The following TREH variants were observed in gnomAD, a reference collection of about 807,000 sequenced individuals.
The protein encoded by TREH is alpha,alpha-trehalose glucohydrolase.
In TREH, 69 loss-of-function variants were observed where a neutral mutation model predicts 80.5. That is an observed-to-expected ratio of 0.86 (90% CI 0.71 to 1.05). The LOEUF (loss-of-function observed/expected upper bound fraction) is 1.05. Among genes scored for constraint, TREH ranks in the 50% least tolerant of loss-of-function variants. The pLI is 0.00. For missense variants in TREH, 716 were observed against 718.8 expected, an observed-to-expected ratio of 1.00 and a Z score of 0.04; for synonymous variants, 309 against 293.5, an observed-to-expected ratio of 1.05 and a Z score of -0.54.
chr11:118,658,301 G>T lies in TREH; in HGVS notation c.1740C>A (p.Leu580=). 6.3e-7 allele frequency: 1 copy of T among 1,587,280 alleles called. No homozygotes were observed. Residue 580 remains leucine, a synonymous_variant, in exon 15 of 15, where the codon CTC becomes CTA. Coordinates refer to ENST00000264029, the MANE Select transcript of TREH (RefSeq NM_007180.3). ...GAGAGGAGGGCTGTCACCATGGCAG[G>T]AGGCTGAGCAGGAGGCTGGGCAGAA... ...ATLLPSLLLS[L]LPW is the part of the protein sequence containing the mutation.
chr11:118,666,375 T>C (rs1949378057), intron 1 of TREH, among the ~76,000 whole-genome samples: 1 of 152,170 alleles, frequency 6.6e-6, no homozygotes, highest in South Asian at 2.1e-4. Context: ...AGAATAAGAT[T>C]GTCTCTTAGC....
intron 1 of TREH, among the ~76,000 whole-genome samples, chr11:118,673,524 T>C (rs1949448931): frequency 6.6e-6 from 1 of 152,248 alleles, no homozygotes; most frequent in Admixed American, 6.5e-5. Context: ...TCAGCTCTTC[T>C]CTGCATGGCT....
chr11:118,658,534 C>T, intron 14 of TREH, 93 bp from the exon 15 acceptor site: 1 of 1,528,274 alleles, frequency 6.5e-7, no homozygotes, highest in Non-Finnish European at 8.8e-7. Flanking sequence ...ACTGGCCCTG[C>T]CTAACCCCAG....
chr11:118,665,865 A>T (rs1949372591), intron 1 of TREH, among the ~76,000 whole-genome samples: 1 of 152,216 alleles, frequency 6.6e-6, no homozygotes, highest in Non-Finnish European at 1.5e-5. Context: ...CACCTGCAAC[A>T]CTACTATTAC....
In TREH at chr11:118,674,418, T is replaced by C. The variant is rs1949457882; in HGVS notation, c.89+5121A>G. 6.6e-6 allele frequency among the ~76,000 whole-genome samples: 1 copy of C among 152,228 alleles called. No homozygotes were observed. Among genetic ancestry groups the C allele is most frequent in the African/African-American group, 2.4e-5 (1 of 41,456 alleles). ...GAGTGGATTTCCATACCTTCTGTTT[T>C]ACAATACTAGGTAGTGGAAATATTT... On this transcript the variant is annotated intron_variant, in intron 1 of 14. Coordinates refer to ENST00000264029, the MANE Select transcript of TREH (RefSeq NM_007180.3). The surrounding 1 kb of genome is among the most constrained non-coding windows in gnomAD (Gnocchi z 4.4).
intron 1 of TREH, among the ~76,000 whole-genome samples, chr11:118,677,329 A>G (rs1395707736): frequency 1.3e-5 from 2 of 152,200 alleles, no homozygotes; most frequent in African/African-American, 4.8e-5. Context: ...ATATAAATCC[A>G]CTGGGAGAGG....
At chr11:118,662,368 C>T (rs1181501592) in intron 4 of TREH, among the ~76,000 whole-genome samples, 16 of 152,246 alleles carry the variant, frequency 1.1e-4, no homozygotes, top group Admixed American at 5.9e-4. Flanking sequence ...ACCACCCAGC[C>T]GGGCCCAGAG....
intron 10 of TREH, among the ~76,000 whole-genome samples, chr11:118,660,242 G>A (rs183789771): frequency 6.6e-6 from 1 of 152,316 alleles, no homozygotes; most frequent in Admixed American, 6.5e-5. Flanking sequence ...CTCTTAGGGG[G>A]TCAAGGGCAG....
At chr11:118,678,253 G>A (rs1449803152) in intron 1 of TREH, among the ~76,000 whole-genome samples, 3 of 152,058 alleles carry the variant, frequency 2.0e-5, no homozygotes, top group Admixed American at 1.3e-4. Context: ...CCTCCTCAGA[G>A]ACACCGTCCC....
Position 118,670,059 on chromosome 11 carries a change from A to C in TREH, c.90-6620T>G, listed in dbSNP as rs1555146074. 4.6e-5 allele frequency among the ~76,000 whole-genome samples: 7 copies of C among 152,362 alleles called. No individual in the cohort carries two copies. In the South Asian group the frequency reaches 1.4e-3, roughly 32 times the overall value. ...TTAAGTGAGGGGCTTCAAATGTCTT[A>C]AATATTAAATAAATGTAAGGTATTA... is the stretch of plus-strand genomic sequence containing the variant. On this transcript the variant is annotated intron_variant, in intron 1 of 14. Transcript: ENST00000264029.
chr11:118,664,336 A>G lies in TREH; in HGVS notation c.90-897T>C, dbSNP rs142992172. ...AAATCACCTCAGTGGACTGAATTGC[A>G]TGCTGTTTTCCTTGCAGTGATAGAA... is the stretch of plus-strand genomic sequence containing the variant. On this transcript the variant is annotated intron_variant, in intron 1 of 14. Coordinates refer to ENST00000264029, the MANE Select transcript of TREH (RefSeq NM_007180.3). Among the ~76,000 whole-genome samples, 408 of 152,348 alleles carry G rather than the reference A, an allele frequency of 2.7e-3. 3 individuals are homozygous for G. Among genetic ancestry groups the G allele is most frequent in the African/African-American group, 8.0e-3 (334 of 41,568 alleles).
chr11:118,663,030 T>C (rs1555145279), intron 3 of TREH, 22 bp downstream of exon 3: 12 of 1,612,152 alleles, frequency 7.4e-6, no homozygotes, highest in Non-Finnish European at 9.3e-6. Context: ...AACCCTCTCT[T>C]GTTCCCCTTC....
intron 14 of TREH, 50 bp downstream of exon 14, chr11:118,658,630 A>G: frequency 3.9e-6 from 6 of 1,554,164 alleles, no homozygotes; most frequent in Non-Finnish European, 5.2e-6. Context: ...CATGAGCAGC[A>G]GAGTTCAGGA....
chr11:118,658,190 G>GACCACGCCATTCGTCCAGC lies in TREH; in HGVS notation c.*98_*99insGCTGGACGAATGGCGTGGT. The GACCACGCCATTCGTCCAGC allele has an allele frequency of 1.4e-6, 2 of 1,467,540 alleles. No individual in the cohort carries two copies. Among genetic ancestry groups the GACCACGCCATTCGTCCAGC allele is most frequent in the Non-Finnish European group, 1.8e-6 (2 of 1,091,040 alleles). The allele number at this position is 1,467,540 out of a possible 1,614,324, so 90.9% of individuals were successfully genotyped here. On this transcript the variant is annotated 3_prime_UTR_variant, in exon 15 of 15. Coordinates refer to ENST00000264029, the MANE Select transcript of TREH (RefSeq NM_007180.3). ...GCCCTCCACTTCGCTCTGAGGACAG[G>GACCACGCCATTCGTCCAGC]CTGGGAGGTAGGAGGGCATGAAGAG... is the stretch of plus-strand genomic sequence containing the variant.
rs1555145080 is a variant in TREH at position 118,661,891 on chromosome 11, AG to A, written c.522del (p.Trp175GlyfsTer19). 1 of 1,558,514 alleles carries A rather than the reference AG, an allele frequency of 6.4e-7. No individual in the cohort carries two copies. The highest frequency in any genetic ancestry group is 1.4e-5 in the African/African-American group (1 of 73,280). ...GGTCTCTTGGGCCTGGGCGCTCACC[AG>A]TAGTAGAACTCAACAAAGCGACCGC... ...VPGGRFVEFYYWDSYWVMEGL... is the reference protein window; with the variant it reads ...VPGGRFVEFYXWDSYWVMEGL... On this transcript the variant is annotated frameshift_variant and splice_region_variant, in exon 5 of 15. Coordinates refer to ENST00000264029, the MANE Select transcript of TREH (RefSeq NM_007180.3). LOFTEE classifies it high-confidence loss of function. This position sits in a 1 kb window ranked among gnomAD's most constrained non-coding sequence, Gnocchi z 4.2.
chr11:118,660,658 A>T lies in TREH; in HGVS notation c.983T>A (p.Ile328Asn), dbSNP rs200440695. 6.2e-7 allele frequency: 1 copy of T among 1,606,018 alleles called. No individual in the cohort carries two copies. Among genetic ancestry groups the T allele is most frequent in the South Asian group, 1.1e-5 (1 of 89,428 alleles). The stretch of plus-strand genomic sequence containing the variant: ...AAGCGAGTTGGGGTTTGGGCCTCCA[A>T]TGAGCCAGCGTGAAGAGAAGTCCCA... ...SGWDFSSRWL[I>N]GGPNPNSLSG... Residue 328 changes from isoleucine (I) to asparagine (N), a missense_variant, in exon 10 of 15, where the codon ATT (isoleucine) becomes AAT (asparagine). Coordinates refer to ENST00000264029, the MANE Select transcript of TREH (RefSeq NM_007180.3).
chr11:118,662,532 C>T (rs920796555), intron 4 of TREH, among the ~76,000 whole-genome samples: 23 of 152,184 alleles, frequency 1.5e-4, no homozygotes, highest in African/African-American at 7.2e-5. Flanking sequence ...CCTCCTGAGA[C>T]GGAGGCCTGG....
chr11:118,662,834 C>T (rs944957300), intron 4 of TREH, 47 bp downstream of exon 4: 6 of 1,548,218 alleles, frequency 3.9e-6, no homozygotes, highest in Middle Eastern at 1.7e-4. Context: ...ACATTCCTCT[C>T]TTCAGTTCCC....
rs1565526687 is a variant in TREH, at chr11:118,663,086, G to A, written c.301C>T (p.Leu101=). The change falls in exon 3 of 15, where the codon CTG becomes TTG. Residue 101 remains leucine (L), a synonymous_variant. Coordinates refer to ENST00000264029, the MANE Select transcript of TREH (RefSeq NM_007180.3). ...CAGTCTGCAGGGGTCCAGGGCTGCAGCTCCTGCCCCTTGGCCTGGAAGTGT... is the reference window on the plus strand; with the variant it reads ...CAGTCTGCAGGGGTCCAGGGCTGCAACTCCTGCCCCTTGGCCTGGAAGTGT... ...HEHFQAKGQE[L]QPWTPADWKD... is the part of the protein sequence containing the mutation. The A allele has an allele frequency of 6.2e-7, 1 of 1,614,046 alleles. No homozygotes were observed. Among genetic ancestry groups the A allele is most frequent in the Non-Finnish European group, 8.5e-7 (1 of 1,179,888 alleles).
Sources: gnomAD v4.1 joint callset for allele counts (sites outside exome capture counted in the v4.1 genomes callset) on GRCh38, gnomAD v4.1.1 for gene constraint, Gnocchi (gnomAD v3.1) non-coding constraint, MANE v1.5 for transcripts, NCBI Gene and HGNC (gene_info 2026-07-23, HGNC 2026-07-21) for gene names.